The following CCDC73 variants were observed in gnomAD, a reference collection of about 807,000 sequenced individuals.
The protein encoded by CCDC73 is coiled-coil domain containing 73.
In CCDC73, 95 loss-of-function variants were observed where a neutral mutation model predicts 116.5. That is an observed-to-expected ratio of 0.82 (90% CI 0.69 to 0.97). CCDC73 has a LOEUF of 0.97. Among genes scored for constraint, CCDC73 ranks in the 50% least tolerant of loss-of-function variants. The probability of loss-of-function intolerance (pLI) is 0.00; values close to 1 mark genes in which losing one functional copy is unlikely to be tolerated. For synonymous variants in CCDC73, 398 were observed against 401.3 expected (o/e 0.99, Z 0.10); for missense variants, 1,066 against 1,206.8 (o/e 0.88, Z 1.73).
At chr11:32,669,525 G>T (rs1856017402) in intron 9 of CCDC73, among the ~76,000 whole-genome samples, 1 of 152,080 alleles carries the variant, frequency 6.6e-6, no homozygotes, top group Non-Finnish European at 1.5e-5. Context: ...TAATCACCCT[G>T]TTGTGCTATC....
intron 14 of CCDC73, among the ~76,000 whole-genome samples, chr11:32,633,906 G>A (rs567360035): frequency 6.6e-6 from 1 of 152,206 alleles, no homozygotes; most frequent in South Asian, 2.1e-4. Flanking sequence ...AAGTTTCCAG[G>A]CATCAGCCAG....
At chr11:32,702,788 G>C in intron 4 of CCDC73, 85 bp downstream of exon 4, 2 of 925,672 alleles carry the variant, frequency 2.2e-6, no homozygotes, top group Non-Finnish European at 3.6e-6. Flanking sequence ...GGTGACTATG[G>C]AGAACAGCTT....
chr11:32,636,349 T>C (rs752231126), intron 13 of CCDC73, among the ~76,000 whole-genome samples: 8 of 152,124 alleles, frequency 5.3e-5, no homozygotes, highest in Non-Finnish European at 1.0e-4. Flanking sequence ...TGAATTCCAC[T>C]AGATGAGTAC....
At chr11:32,603,337 G>A (rs1855302151) in intron 17 of CCDC73, 2 of 230,680 alleles carry the variant, frequency 8.7e-6, no homozygotes, top group Non-Finnish European at 1.7e-5. Context: ...AAGTTGGCAT[G>A]TTTTCAAGAC....
intron 14 of CCDC73, among the ~76,000 whole-genome samples, chr11:32,631,759 C>T (rs150707523): frequency 0.01 from 1,535 of 152,214 alleles, 28 homozygotes; most frequent in African/African-American, 0.035. Flanking sequence ...ATTGCTTGAG[C>T]CTGGCAGATT....
the CCDC73 span, among the ~76,000 whole-genome samples, chr11:32,817,402 A>C: frequency 2.6e-5 from 4 of 152,330 alleles, no homozygotes; most frequent in East Asian, 7.7e-4. Context: ...AGTTAAACCA[A>C]TGTATCACCA....
At chr11:32,793,024 C>G (rs1454889811) in intron 1 of CCDC73, among the ~76,000 whole-genome samples, 1 of 151,736 alleles carries the variant, frequency 6.6e-6, no homozygotes, top group African/African-American at 2.4e-5. Flanking sequence ...ACGGGATACA[C>G]GGCCAGAGCG....
chr11:32,793,781 T>C (rs1447954220), intron 1 of CCDC73, among the ~76,000 whole-genome samples: 2 of 152,022 alleles, frequency 1.3e-5, no homozygotes, highest in African/African-American at 4.8e-5. Context: ...CGGCTAATTT[T>C]TGTATTTTTA....
chr11:32,728,207 C>T (rs1331786758), intron 2 of CCDC73, among the ~76,000 whole-genome samples: 2 of 152,066 alleles, frequency 1.3e-5, no homozygotes, highest in Admixed American at 1.3e-4. Flanking sequence ...AGCATGGTTG[C>T]ACCATTGCAC....
intron 2 of CCDC73, among the ~76,000 whole-genome samples, chr11:32,734,589 G>A (rs1335425719): frequency 1.3e-5 from 2 of 152,094 alleles, no homozygotes; most frequent in African/African-American, 4.8e-5. Flanking sequence ...CAGTGTTTGT[G>A]TCCCTGGGTA....
intron 12 of CCDC73, among the ~76,000 whole-genome samples, chr11:32,652,339 A>AAACAC (rs1414235950): frequency 6.9e-4 from 104 of 151,804 alleles, no homozygotes; most frequent in African/African-American, 2.3e-3. Context: ...AAACAAAACA[A>AAACAC]AACAAAACAA....
intron 1 of CCDC73, among the ~76,000 whole-genome samples, chr11:32,788,791 T>C (rs998578517): frequency 1.1e-4 from 17 of 152,130 alleles, no homozygotes; most frequent in African/African-American, 3.6e-4. Context: ...TCCAGGTATT[T>C]ACAATCTAGA....
chr11:32,731,143 G>A (rs759184066), intron 2 of CCDC73, among the ~76,000 whole-genome samples: 49 of 152,232 alleles, frequency 3.2e-4, no homozygotes, highest in Non-Finnish European at 5.6e-4. Flanking sequence ...ACCTGGCTCG[G>A]AGGGTCCCAC....
At chr11:32,628,562 T>C (rs1855598008) in intron 14 of CCDC73, among the ~76,000 whole-genome samples, 1 of 152,210 alleles carries the variant, frequency 6.6e-6, no homozygotes, top group Non-Finnish European at 1.5e-5. Context: ...ATGAACTTAC[T>C]GAATAACTGG....
At chr11:32,789,104 T>C (rs760713820) in intron 1 of CCDC73, among the ~76,000 whole-genome samples, 1 of 152,174 alleles carries the variant, frequency 6.6e-6, no homozygotes, top group Non-Finnish European at 1.5e-5. Context: ...CTAATTAACC[T>C]ATGGAGATGA....
chr11:32,723,240 T>C (rs997938916), intron 2 of CCDC73, among the ~76,000 whole-genome samples: 2 of 152,226 alleles, frequency 1.3e-5, no homozygotes, highest in African/African-American at 4.8e-5. Context: ...TAAGAATTGC[T>C]ATGAATTTTC....
chr11:32,748,303 G>T (rs1270231682), intron 2 of CCDC73, among the ~76,000 whole-genome samples: 2 of 151,142 alleles, frequency 1.3e-5, no homozygotes, highest in African/African-American at 4.9e-5. Context: ...CTCTTGTATG[G>T]TTTTCAATTT....
the CCDC73 span, among the ~76,000 whole-genome samples, chr11:32,804,559 C>T: frequency 6.6e-6 from 1 of 152,186 alleles, no homozygotes. Context: ...AGCCAACTGA[C>T]CCTACCTTTT....
At chr11:32,750,175 TCTCA>T (rs1850275091) in intron 2 of CCDC73, among the ~76,000 whole-genome samples, 2 of 152,162 alleles carry the variant, frequency 1.3e-5, no homozygotes, top group Non-Finnish European at 2.9e-5. Context: ...TGGCCTCTAC[TCTCA>T]CTTTCTACCA....
Sources: gnomAD v4.1 joint callset for allele counts (sites outside exome capture counted in the v4.1 genomes callset) on GRCh38, gnomAD v4.1.1 for gene constraint, MANE v1.5 for transcripts, NCBI Gene and HGNC (gene_info 2026-07-23, HGNC 2026-07-21) for gene names.